The following LOXHD1 variants were observed in gnomAD, a reference collection of about 807,000 sequenced individuals.
LOXHD1 encodes the protein lipoxygenase homology domain-containing protein 1.
LOXHD1 carries 205 observed loss-of-function variants against 248.2 expected under a neutral mutation model. That is an observed-to-expected ratio of 0.83 (90% CI 0.74 to 0.93). LOXHD1 has a LOEUF of 0.93. Among genes scored for constraint, LOXHD1 ranks in the 40% least tolerant of loss-of-function variants. LOXHD1 has a pLI of 0.00. For synonymous variants in LOXHD1, 1,113 were observed against 1,162.8 expected (o/e 0.96, Z 0.87); for missense variants, 2,930 against 2,971.6 (o/e 0.99, Z 0.33).
At chr18:46,590,967 A>G (rs2038157036) in intron 12 of LOXHD1, among the ~76,000 whole-genome samples, 1 of 152,212 alleles carries the variant, frequency 6.6e-6, no homozygotes, top group Non-Finnish European at 1.5e-5. Context: ...TAACAGAATG[A>G]TCTCTTTTTA....
At chr18:46,526,021 A>C (rs1564130) in intron 29 of LOXHD1, among the ~76,000 whole-genome samples, 114,715 of 152,020 alleles carry the variant, frequency 0.75, 43,859 homozygotes, top group Non-Finnish European at 0.83. Flanking sequence ...GTAGGGAAAG[A>C]CCATGGCCAA....
At chr18:46,643,933 A>G (rs1282215800) in intron 2 of LOXHD1, among the ~76,000 whole-genome samples, 1 of 152,254 alleles carries the variant, frequency 6.6e-6, no homozygotes, top group African/African-American at 2.4e-5. Context: ...AAACAGAATA[A>G]TCAATACAAA....
chr18:46,487,705 C>T (rs923346194), intron 38 of LOXHD1, among the ~76,000 whole-genome samples: 6 of 152,118 alleles, frequency 3.9e-5, no homozygotes, highest in South Asian at 2.1e-4. Context: ...ATTGGAGCTG[C>T]GAGCAGCCAC....
intron 37 of LOXHD1, among the ~76,000 whole-genome samples, chr18:46,494,612 C>T (rs949560839): frequency 6.6e-6 from 1 of 152,190 alleles, no homozygotes; most frequent in East Asian, 1.9e-4. Context: ...CAGAGCAACA[C>T]TCTGGGATCT....
chr18:46,541,268 G>A (rs1380712828), intron 25 of LOXHD1, among the ~76,000 whole-genome samples: 2 of 152,078 alleles, frequency 1.3e-5, no homozygotes, highest in African/African-American at 4.8e-5. Flanking sequence ...GGTCTAGCAG[G>A]GTCCAGGCTG....
At chr18:46,529,767 C>G (rs1480480296) in intron 28 of LOXHD1, among the ~76,000 whole-genome samples, 2 of 152,082 alleles carry the variant, frequency 1.3e-5, no homozygotes, top group Admixed American at 1.3e-4. Context: ...CTCAGTGGTT[C>G]ACAGAAAGAA....
At chr18:46,546,075 G>A (rs1467606258) in intron 22 of LOXHD1, among the ~76,000 whole-genome samples, 1 of 152,098 alleles carries the variant, frequency 6.6e-6, no homozygotes, top group Non-Finnish European at 1.5e-5. Flanking sequence ...AGGATGGTTA[G>A]GGGATACTTT....
intron 12 of LOXHD1, among the ~76,000 whole-genome samples, chr18:46,589,433 C>T (rs1182211990): frequency 6.6e-6 from 1 of 152,160 alleles, no homozygotes. Flanking sequence ...CTTGTCCGTC[C>T]CCCTTCGTTC....
rs1325189876 is a variant in LOXHD1, at chr18:46,618,259, A to G, written c.543T>C (p.Gly181=). ...CATCTGTCCCTGCACCAATTACATCACCAGTGTATACCTTGACTTCATACT... is the reference window on the plus strand; with the variant it reads ...CATCTGTCCCTGCACCAATTACATCGCCAGTGTATACCTTGACTTCATACT... ...GNKYEVKVYT[G]DVIGAGTDAD... is the part of the protein sequence containing the mutation. Residue 181 remains glycine (G), a synonymous_variant, in exon 5 of 41, where the codon GGT becomes GGC. Coordinates refer to ENST00000642948, the MANE Select transcript of LOXHD1 (RefSeq NM_001384474.1). 1.3e-6 allele frequency: 2 copies of G among 1,551,258 alleles called. No homozygotes were observed. Among genetic ancestry groups the G allele is most frequent in the South Asian group, 2.4e-5 (2 of 84,046 alleles).
chr18:46,549,333 A>T (rs190464889), intron 21 of LOXHD1, among the ~76,000 whole-genome samples: 30 of 131,428 alleles, frequency 2.3e-4, no homozygotes, highest in African/African-American at 7.6e-4. Flanking sequence ...TATAAACTCC[A>T]CTTGAAAGTA....
At chr18:46,531,157 T>C (rs1438663142) in intron 28 of LOXHD1, among the ~76,000 whole-genome samples, 1 of 151,888 alleles carries the variant, frequency 6.6e-6, no homozygotes, top group Admixed American at 6.6e-5. Context: ...GAGTGCATTG[T>C]GAGAGTTGAC....
chr18:46,477,210 C>A (rs1292606788), downstream of LOXHD1: 4 of 724,940 alleles, frequency 5.5e-6, no homozygotes, highest in Admixed American at 2.0e-5. Flanking sequence ...CAAGTCCCAG[C>A]CTGGTCACTA....
At chr18:46,490,416 A>G (rs1396325849) in intron 37 of LOXHD1, among the ~76,000 whole-genome samples, 2 of 152,282 alleles carry the variant, frequency 1.3e-5, no homozygotes, top group African/African-American at 4.8e-5. Flanking sequence ...AGTGGAAAAC[A>G]GCACCAATAG....
chr18:46,560,688 C>A lies in LOXHD1; in HGVS notation c.2599-143G>T, dbSNP rs1400045339. ...AGGGCTGGGGCCTCTGTGCTCAGAT[C>A]CTTCCACCACCTCCCTCTCTCCGGC... On this transcript the variant is annotated intron_variant, in intron 18 of 40. Coordinates refer to ENST00000642948, the MANE Select transcript of LOXHD1 (RefSeq NM_001384474.1). 1.5e-5 allele frequency: 11 copies of A among 730,416 alleles called. No homozygotes were observed. The African/African-American group carries it at 1.8e-4, about 12-fold the overall frequency. 45.2% of individuals were successfully genotyped at this position (730,416 alleles called of 1,614,324 possible). A position where few individuals can be genotyped will look rare whatever the true frequency, so the allele number is the denominator to read the frequency against.
rs537937536 is a variant in LOXHD1, at chr18:46,525,869, A to G, written c.4531-952T>C. 3.3e-5 allele frequency among the ~76,000 whole-genome samples: 5 copies of G among 152,264 alleles called. No homozygotes were observed. The South Asian group carries it at 1.0e-3, about 32-fold the overall frequency. ...CCAGGACCCCACAGTCCAGGACAGC[A>G]AGAGGAGGGGATGGGTAATTCCAGC... On this transcript the variant is annotated intron_variant, in intron 29 of 40. Coordinates refer to ENST00000642948, the MANE Select transcript of LOXHD1 (RefSeq NM_001384474.1).
chr18:46,534,596 TC>T, intron 26 of LOXHD1, 145 bp from the exon 27 acceptor site: 1 of 674,756 alleles, frequency 1.5e-6, no homozygotes, highest in Non-Finnish European at 2.7e-6. Context: ...CCAGGCCAGC[TC>T]CCATTGTCCT....
chr18:46,560,571 G>C, intron 18 of LOXHD1, 26 bp from the exon 19 acceptor site: 1 of 1,503,302 alleles, frequency 6.7e-7, no homozygotes, highest in South Asian at 1.3e-5. Context: ...GGCAGCGGCT[G>C]TCGTGGCCCC....
chr18:46,509,590 C>G lies in LOXHD1; in HGVS notation c.5517+108G>C, dbSNP rs374084629. 313 of 810,854 alleles carry G rather than the reference C, an allele frequency of 3.9e-4. 1 individual carries two copies. The African/African-American group carries it at 4.0e-3, about 10-fold the overall frequency. The allele number at this position is 810,854 out of a possible 1,614,324, so 50.2% of individuals were successfully genotyped here. On this transcript the variant is annotated intron_variant, in intron 35 of 40. Transcript: ENST00000642948. ...ATATGGGCTGGGTTCATGTAATGAT[C>G]CTCTACAGTGACATTTGTGCTTTAA...
At chr18:46,567,505 T>C (rs2037666948) in intron 16 of LOXHD1, among the ~76,000 whole-genome samples, 1 of 152,226 alleles carries the variant, frequency 6.6e-6, no homozygotes, top group Admixed American at 6.5e-5. Context: ...AAGAGTTTTG[T>C]TGTTCTTCTG....
Sources: gnomAD v4.1 joint callset for allele counts (sites outside exome capture counted in the v4.1 genomes callset) on GRCh38, gnomAD v4.1.1 for gene constraint, MANE v1.5 for transcripts, NCBI Gene and HGNC (gene_info 2026-07-23, HGNC 2026-07-21) for gene names.